TACC2: variants seen among roughly 807,000 people sequenced by gnomAD.
The protein encoded by TACC2 is transforming acidic coiled-coil containing protein 2.
Under a neutral mutation model 227.3 loss-of-function variants are expected in TACC2, and 137 were observed. The observed-to-expected ratio is 0.60, with a 90% CI of 0.52 to 0.69. The LOEUF (loss-of-function observed/expected upper bound fraction) is 0.69. Among genes scored for constraint, TACC2 ranks in the 30% least tolerant of loss-of-function variants. The pLI, the probability that TACC2 is intolerant of heterozygous loss-of-function variation, is 0.00. For missense variants in TACC2, 3,470 were observed against 3,694.4 expected (o/e 0.94, Z 1.57); for synonymous variants, 1,523 against 1,487.5 (o/e 1.02, Z -0.55).
Position 122,087,566 on chromosome 10 carries a change from C to G in TACC2, c.5066C>G (p.Ala1689Gly). Reference protein sequence around the residue: ...STPAPPTGEVADTPLEPGKVA... With the variant: ...STPAPPTGEVGDTPLEPGKVA... Reference sequence around the variant, plus strand: ...CCTGCACCACCAACTGGAGAAGTGGCAGACACTCCCCTGGAGCCTGGCAAG... The same window carrying G: ...CCTGCACCACCAACTGGAGAAGTGGGAGACACTCCCCTGGAGCCTGGCAAG... The change falls in exon 4 of 23, where the codon GCA becomes GGA. Residue 1689 changes from alanine (A) to glycine (G), a missense_variant. Physicochemically the swap from Ala to Gly is moderately conservative, Grantham distance 60. Around this residue, in one of 10 missense-constraint regions of TACC2, gnomAD observed 1,924 missense variants for 1,978.3 expected, o/e 0.97. Transcript: ENST00000369005. The G allele has an allele frequency of 6.2e-7, 1 of 1,613,764 alleles. No homozygotes were observed. The highest frequency in any genetic ancestry group is 1.3e-5 in the African/African-American group (1 of 75,068).
intron 11 of TACC2, among the ~76,000 whole-genome samples, chr10:122,223,133 A>G (rs1236262047): frequency 6.8e-6 from 1 of 146,994 alleles, no homozygotes; most frequent in Non-Finnish European, 1.5e-5. Flanking sequence ...GGCTCACTGC[A>G]ACCTGTGCCT....
chr10:122,195,929 C>A (rs2140581347), intron 8 of TACC2, among the ~76,000 whole-genome samples: 1 of 152,336 alleles, frequency 6.6e-6, no homozygotes, highest in African/African-American at 2.4e-5. Context: ...GGCCCCACAA[C>A]TTACAGGACC....
intron 2 of TACC2, chr10:122,022,599 A>G (rs17102880): frequency 0.15 from 22,154 of 152,320 alleles, 1,694 homozygotes; most frequent in East Asian, 0.25. Flanking sequence ...TAAAACTGAC[A>G]TAAGAGAGAT....
chr10:122,089,023 G>A (rs553036090), intron 5 of TACC2, among the ~76,000 whole-genome samples: 113 of 152,302 alleles, frequency 7.4e-4, no homozygotes, highest in Middle Eastern at 3.4e-3. Flanking sequence ...TCTGAGTTGG[G>A]AGGATCGATC....
intron 5 of TACC2, among the ~76,000 whole-genome samples, chr10:122,124,958 GC>G (rs928451775): frequency 7.8e-5 from 9 of 115,788 alleles, no homozygotes; most frequent in African/African-American, 2.7e-4. Flanking sequence ...AACAACCCCC[GC>G]CCCCTCCCAG....
intron 7 of TACC2, among the ~76,000 whole-genome samples, chr10:122,147,302 G>A (rs972625343): frequency 2.6e-5 from 4 of 152,178 alleles, no homozygotes; most frequent in Admixed American, 1.3e-4. Flanking sequence ...CCGCCACTAC[G>A]CCTGGCTAAT....
intron 1 of TACC2, among the ~76,000 whole-genome samples, chr10:122,001,198 T>C (rs56749375): frequency 0.088 from 13,398 of 152,282 alleles, 836 homozygotes; most frequent in East Asian, 0.3. Context: ...TATTAGTTTG[T>C]TCTCACACTG....
intron 5 of TACC2, among the ~76,000 whole-genome samples, chr10:122,112,856 G>C (rs917053958): frequency 1.3e-5 from 2 of 151,940 alleles, no homozygotes; most frequent in African/African-American, 2.4e-5. Context: ...CGGGCCCCTC[G>C]GTGCGTCTGG....
At chr10:122,252,244 C>A (rs984734841) in intron 22 of TACC2, among the ~76,000 whole-genome samples, 11 of 152,308 alleles carry the variant, frequency 7.2e-5, no homozygotes, top group African/African-American at 2.6e-4. Context: ...GTGTTCCAGG[C>A]TTGCCACATC....
chr10:122,248,421 C>T (rs874227), intron 19 of TACC2: 38,375 of 576,444 alleles, frequency 0.067, 5,048 homozygotes, highest in African/African-American at 0.37. Context: ...CTACCTCACG[C>T]GAGGCTGCAC....
At chr10:122,033,551 G>A (rs1047185570) in intron 2 of TACC2, among the ~76,000 whole-genome samples, 2 of 152,186 alleles carry the variant, frequency 1.3e-5, no homozygotes, top group African/African-American at 4.8e-5. Flanking sequence ...CCGCCTGTGA[G>A]CAAAACTGAT....
chr10:122,077,959 C>T (rs1324773567), intron 3 of TACC2, among the ~76,000 whole-genome samples: 2 of 152,058 alleles, frequency 1.3e-5, no homozygotes, highest in African/African-American at 4.8e-5. Context: ...CTTTGGGAGG[C>T]CGAGGCGGGC....
chr10:122,079,756 T>A (rs975590816), intron 3 of TACC2, among the ~76,000 whole-genome samples: 1 of 152,246 alleles, frequency 6.6e-6, no homozygotes, highest in Non-Finnish European at 1.5e-5. Flanking sequence ...GAATCAGATG[T>A]CCATGTTGAG....
intron 3 of TACC2, among the ~76,000 whole-genome samples, chr10:122,076,957 A>T: frequency 6.6e-6 from 1 of 152,000 alleles, no homozygotes; most frequent in East Asian, 1.9e-4. Flanking sequence ...TCTACTAAAA[A>T]TATGAAAATT....
intron 5 of TACC2, among the ~76,000 whole-genome samples, chr10:122,132,223 G>T (rs1476576774): frequency 6.6e-6 from 1 of 152,138 alleles, no homozygotes; most frequent in Non-Finnish European, 1.5e-5. Flanking sequence ...TCAGGATCCA[G>T]ATAGAAATGT....
rs1035811961 is a variant in TACC2, at chr10:122,017,472, C to T, written c.-45-4465C>T. On this transcript the variant is annotated intron_variant, in intron 1 of 22. Transcript: ENST00000369005. ...GCCTGTTGAAGACTTGCCGCCATTC[C>T]CAATTGGCTCATTCAAGACATTTTG... Among the ~76,000 whole-genome samples the T allele has an allele frequency of 2.0e-5, 3 of 149,050 alleles. No homozygotes were observed. In the Admixed American group the frequency reaches 2.0e-4, roughly 10 times the overall value.
intron 8 of TACC2, among the ~76,000 whole-genome samples, chr10:122,198,606 T>C (rs1273480586): frequency 6.6e-6 from 1 of 152,220 alleles, no homozygotes; most frequent in Non-Finnish European, 1.5e-5. Flanking sequence ...GTATAGTGGA[T>C]GTCTTCCCCT....
chr10:122,230,210 TGA>T (rs2095709777), intron 15 of TACC2, 139 bp from the exon 16 acceptor site: 2 of 710,850 alleles, frequency 2.8e-6, no homozygotes, highest in Non-Finnish European at 5.2e-6. Flanking sequence ...GTGCTAATTG[TGA>T]GAGAAAGGCG....
intron 8 of TACC2, among the ~76,000 whole-genome samples, chr10:122,198,805 T>C (rs1487238463): frequency 6.6e-6 from 1 of 152,046 alleles, no homozygotes; most frequent in Non-Finnish European, 1.5e-5. Context: ...AGGCCCTTAG[T>C]AGGTGTTGAG....
Sources: allele counts gnomAD v4.1 joint callset (sites outside exome capture counted in the v4.1 genomes callset), GRCh38; gene constraint gnomAD v4.1.1; regional missense constraint gnomAD v4.1.1; transcripts MANE v1.5; gene names NCBI Gene and HGNC (gene_info 2026-07-23, HGNC 2026-07-21).